The following LOC128462377 variants were observed in gnomAD, a reference collection of about 807,000 sequenced individuals.
the LOC128462377 span, among the ~76,000 whole-genome samples, chr16:89,374,009 G>T: frequency 9.2e-5 from 14 of 152,332 alleles, 1 homozygote; most frequent in African/African-American, 3.1e-4. Flanking sequence ...ATACCTGCAG[G>T]ACAGGAGCTC....
chr16:89,320,630 C>T, the LOC128462377 span, among the ~76,000 whole-genome samples: 1 of 152,046 alleles, frequency 6.6e-6, no homozygotes, highest in Non-Finnish European at 1.5e-5. Flanking sequence ...GGTGGGAGTC[C>T]CCCACACGAG....
chr16:89,323,256 T>A, the LOC128462377 span: 6 of 1,262,268 alleles, frequency 4.8e-6, no homozygotes, highest in Admixed American at 4.6e-5. Flanking sequence ...GAAAAAGAGC[T>A]GCATACCTGG....
At chr16:89,396,516 T>C in the LOC128462377 span, among the ~76,000 whole-genome samples, 10 of 152,190 alleles carry the variant, frequency 6.6e-5, no homozygotes, top group Non-Finnish European at 1.3e-4. Flanking sequence ...TTATTAAAAA[T>C]ATGCTTCCAT....
chr16:89,333,549 C>A, the LOC128462377 span, among the ~76,000 whole-genome samples: 1 of 152,234 alleles, frequency 6.6e-6, no homozygotes, highest in African/African-American at 2.4e-5. Flanking sequence ...CAGCCCCTGG[C>A]GTCACTGATC....
At chr16:89,335,607 G>C in the LOC128462377 span, among the ~76,000 whole-genome samples, 1 of 152,104 alleles carries the variant, frequency 6.6e-6, no homozygotes, top group Admixed American at 6.5e-5. Context: ...GGAACCTTTG[G>C]TTTGCAAAGC....
the LOC128462377 span, among the ~76,000 whole-genome samples, chr16:89,397,188 A>G: frequency 6.6e-6 from 1 of 152,106 alleles, no homozygotes; most frequent in African/African-American, 2.4e-5. Flanking sequence ...TCCACGTCCA[A>G]CGGCGTCTCA....
chr16:89,388,285 T>C, the LOC128462377 span, among the ~76,000 whole-genome samples: 1 of 140,956 alleles, frequency 7.1e-6, no homozygotes, highest in African/African-American at 2.6e-5. Context: ...CTTCTCTCCA[T>C]GAGGCTGATT....
the LOC128462377 span, among the ~76,000 whole-genome samples, chr16:89,402,072 C>T: frequency 4.6e-5 from 7 of 152,058 alleles, no homozygotes; most frequent in South Asian, 2.1e-4. Flanking sequence ...CCCGAAAGAC[C>T]CCCACACCAA....
chr16:89,337,890 G>A, the LOC128462377 span, among the ~76,000 whole-genome samples: 2 of 152,206 alleles, frequency 1.3e-5, no homozygotes, highest in Non-Finnish European at 2.9e-5. Context: ...TCTACTGTGT[G>A]TGGAATCCCC....
the LOC128462377 span, among the ~76,000 whole-genome samples, chr16:89,369,289 C>T: frequency 2.0e-5 from 3 of 152,326 alleles, no homozygotes; most frequent in South Asian, 2.1e-4. Flanking sequence ...CACGTCTCCA[C>T]GACACTCGCA....
chr16:89,384,873 AGTTTT>A, the LOC128462377 span, among the ~76,000 whole-genome samples: 2 of 86,384 alleles, frequency 2.3e-5, no homozygotes, highest in Admixed American at 1.3e-4. Context: ...AATGAGAAAT[AGTTTT>A]CTTTTTTTTT....
chr16:89,414,858 C>T, the LOC128462377 span, among the ~76,000 whole-genome samples: 2 of 152,226 alleles, frequency 1.3e-5, no homozygotes, highest in African/African-American at 4.8e-5. Flanking sequence ...CTCATCTCAA[C>T]GGCTCACATT....
the LOC128462377 span, among the ~76,000 whole-genome samples, chr16:89,407,246 G>C: frequency 1.3e-5 from 2 of 151,598 alleles, no homozygotes; most frequent in Admixed American, 6.6e-5. Context: ...GGCACACGAG[G>C]AACATCAGCA....
the LOC128462377 span, among the ~76,000 whole-genome samples, chr16:89,397,826 C>T: frequency 5.3e-5 from 8 of 152,340 alleles, no homozygotes; most frequent in East Asian, 1.5e-3. Flanking sequence ...ACAAGCGGCC[C>T]GTGCCACGTC....
At chr16:89,370,033 C>G in the LOC128462377 span, among the ~76,000 whole-genome samples, 1 of 152,242 alleles carries the variant, frequency 6.6e-6, no homozygotes, top group Non-Finnish European at 1.5e-5. Flanking sequence ...CAAGACCATC[C>G]AGTAACGAGA....
chr16:89,386,670 T>C, the LOC128462377 span, among the ~76,000 whole-genome samples: 1 of 152,232 alleles, frequency 6.6e-6, no homozygotes, highest in Non-Finnish European at 1.5e-5. Flanking sequence ...TTGACTCCCT[T>C]ACCTTCTGCT....
At chr16:89,362,314 G>C in the LOC128462377 span, among the ~76,000 whole-genome samples, 11 of 152,356 alleles carry the variant, frequency 7.2e-5, no homozygotes, top group Non-Finnish European at 1.5e-5. Flanking sequence ...CTGTCTGCCT[G>C]AGTGAAACCT....
At chr16:89,404,764 G>C in the LOC128462377 span, among the ~76,000 whole-genome samples, 1 of 152,262 alleles carries the variant, frequency 6.6e-6, no homozygotes, top group African/African-American at 2.4e-5. Context: ...CATGTGCTCA[G>C]CCACGCCTAC....
chr16:89,335,973 C>G, the LOC128462377 span, among the ~76,000 whole-genome samples: 1 of 152,218 alleles, frequency 6.6e-6, no homozygotes, highest in Non-Finnish European at 1.5e-5. Flanking sequence ...TTCAAGATGC[C>G]CTGTGACTCT....
Sources: gnomAD v4.1 joint callset for allele counts (sites outside exome capture counted in the v4.1 genomes callset) on GRCh38, gnomAD v4.1.1 for gene constraint, MANE v1.5 for transcripts.